The following ZNF331 variants were observed in gnomAD, a reference collection of about 807,000 sequenced individuals.
ZNF331 encodes the protein zinc finger protein 331, also known as C2H2-like zinc finger protein rearranged in thyroid adenomas.
In ZNF331, 2 loss-of-function variants were observed where a neutral mutation model predicts 7.0. The ratio of observed to expected loss-of-function variants is 0.29; its 90% CI spans 0.12 to 0.90. The LOEUF is 0.90. Among genes scored for constraint, ZNF331 ranks in the 40% least tolerant of loss-of-function variants. ZNF331 has a pLI of 0.58. For missense variants in ZNF331, 432 were observed against 587.7 expected, an observed-to-expected ratio of 0.74 and a Z score of 2.74; for synonymous variants, 196 against 205.4, an observed-to-expected ratio of 0.95 and a Z score of 0.39.
rs1341798728 is a variant in ZNF331, at chr19:53,571,500, G to T, written c.10-104G>T. The T allele has an allele frequency of 2.7e-6, 4 of 1,460,090 alleles. No individual in the cohort carries two copies. 90.4% of individuals were successfully genotyped at this position (1,460,090 alleles called of 1,614,324 possible). A position where few individuals can be genotyped will look rare whatever the true frequency, so the allele number is the denominator to read the frequency against. On this transcript the variant is annotated intron_variant, in intron 4 of 5. Transcript: ENST00000449416. The surrounding 1 kb of genome is among the most constrained non-coding windows in gnomAD (Gnocchi z 4.7). ...CCCTTGCCGATGTCACGGGTGTTCA[G>T]TCTGCTCACGGTGTTCACCCTACCC... is the stretch of plus-strand genomic sequence containing the variant.
intron 2 of ZNF331, among the ~76,000 whole-genome samples, chr19:53,548,259 C>T (rs1238407435): frequency 6.6e-6 from 1 of 152,120 alleles, no homozygotes; most frequent in East Asian, 1.9e-4. Context: ...AGGCGCGTGC[C>T]ACCACGCCCG....
intron 5 of ZNF331, among the ~76,000 whole-genome samples, chr19:53,576,321 A>G (rs1036160868): frequency 1.3e-5 from 2 of 152,230 alleles, no homozygotes; most frequent in African/African-American, 2.4e-5. Context: ...CTACTGACAT[A>G]TACGTGTATC....
the ZNF331 span, among the ~76,000 whole-genome samples, chr19:53,506,411 CCT>C: frequency 0.022 from 1,610 of 74,220 alleles, 35 homozygotes; most frequent in African/African-American, 0.031. Flanking sequence ...CTCTCTCTCT[CCT>C]CTCTCTCTCT....
intron 3 of ZNF331, among the ~76,000 whole-genome samples, chr19:53,566,233 C>T (rs1568528519): frequency 1.3e-5 from 2 of 152,178 alleles, no homozygotes; most frequent in Admixed American, 6.5e-5. Flanking sequence ...ATTGTGACAA[C>T]ACCTGTTCCA....
intron 2 of ZNF331, among the ~76,000 whole-genome samples, chr19:53,527,580 G>A (rs2087354084): frequency 6.6e-6 from 1 of 152,168 alleles, no homozygotes; most frequent in Admixed American, 6.6e-5. Context: ...TTGTTAACAG[G>A]TATGTGTCCT....
In ZNF331 at chr19:53,558,946, TATACAC is replaced by T. The variant is rs1197086722; in HGVS notation, c.-74+3043_-74+3048del. 1.2e-3 allele frequency among the ~76,000 whole-genome samples: 105 copies of T among 85,702 alleles called. 2 individuals carry two copies. The South Asian group carries it at 0.027, about 22-fold the overall frequency. The allele number at this position is 85,702 out of a possible 152,430, so 56.2% of individuals were successfully genotyped here. On this transcript the variant is annotated intron_variant, in intron 3 of 5. Coordinates refer to ENST00000449416, the MANE Select transcript of ZNF331 (RefSeq NM_001079906.2). The surrounding 1 kb of genome is among the most constrained non-coding windows in gnomAD (Gnocchi z 4.5). ...CACACACATACACACCATACACACA[TATACAC>T]ATACCATATACACACCATACACACA...
In ZNF331 at chr19:53,558,976, CAT is replaced by C. The variant is rs1023439700; in HGVS notation, c.-74+3072_-74+3073del. Among the ~76,000 whole-genome samples the C allele has an allele frequency of 2.8e-5, 4 of 143,616 alleles. No homozygotes were observed. The highest frequency in any genetic ancestry group is 3.7e-3 in the Middle Eastern group (1 of 272). 94.2% of individuals were successfully genotyped at this position (143,616 alleles called of 152,430 possible). On this transcript the variant is annotated intron_variant, in intron 3 of 5. Transcript: ENST00000449416. This position sits in a 1 kb window ranked among gnomAD's most constrained non-coding sequence, Gnocchi z 4.5. ...ACATACCATATACACACCATACACA[CAT>C]ATACACACACATACCCCATATATAC...
chr19:53,571,471 C>T lies in ZNF331; in HGVS notation c.10-133C>T, dbSNP rs891635756. The T allele has an allele frequency of 1.2e-5, 13 of 1,101,806 alleles. No individual in the cohort carries two copies. The African/African-American group carries it at 1.6e-4, about 13-fold the overall frequency. The allele number at this position is 1,101,806 out of a possible 1,614,324, so 68.3% of individuals were successfully genotyped here. The stretch of plus-strand genomic sequence containing the variant: ...CGTCACAGTTACAGTGATGTCCTTA[C>T]CGCCCCTTGCCGATGTCACGGGTGT... On this transcript the variant is annotated intron_variant, in intron 4 of 5. Coordinates refer to ENST00000449416, the MANE Select transcript of ZNF331 (RefSeq NM_001079906.2). The surrounding 1 kb of genome is among the most constrained non-coding windows in gnomAD (Gnocchi z 4.7).
intron 3 of ZNF331, among the ~76,000 whole-genome samples, chr19:53,559,058 AAC>A (rs931539640): frequency 4.7e-5 from 7 of 150,328 alleles, no homozygotes; most frequent in African/African-American, 1.7e-4. Context: ...TACATATACA[AAC>A]ACACCCCGTA....
At chr19:53,534,563 G>T (rs910609270), upstream of ZNF331, among the ~76,000 whole-genome samples, 1 of 152,078 alleles carries the variant, frequency 6.6e-6, no homozygotes, top group Non-Finnish European at 1.5e-5. Context: ...TGGGATTACA[G>T]GTGTGAGCCA....
chr19:53,521,398 G>C (rs957285590), exon 1 of ZNF331: 1 of 153,568 alleles, frequency 6.5e-6, no homozygotes, highest in Non-Finnish European at 1.4e-5. Flanking sequence ...GCCCCGCCGT[G>C]GCCCAGTGAC....
intron 3 of ZNF331, chr19:53,563,760 C>G (rs1343603409): frequency 1.3e-5 from 2 of 151,746 alleles, no homozygotes; most frequent in Non-Finnish European, 2.9e-5. Context: ...ATTTTTATTC[C>G]AGCTTTACCA....
intron 3 of ZNF331, among the ~76,000 whole-genome samples, chr19:53,568,052 C>T (rs1047170507): frequency 6.6e-6 from 1 of 151,970 alleles, no homozygotes; most frequent in Non-Finnish European, 1.5e-5. Context: ...AGTTTGAGAC[C>T]AGCCTGGCCA....
At chr19:53,556,070 C>A (rs534114421) in intron 3 of ZNF331, among the ~76,000 whole-genome samples, 162 bp downstream of exon 3, 5 of 151,778 alleles carry the variant, frequency 3.3e-5, no homozygotes, top group Non-Finnish European at 7.4e-5. Flanking sequence ...CGGTGAAACC[C>A]CGTCTCTACT....
At chr19:53,544,357 A>G (rs565623370) in intron 2 of ZNF331, among the ~76,000 whole-genome samples, 27 of 151,310 alleles carry the variant, frequency 1.8e-4, no homozygotes, top group Non-Finnish European at 2.9e-4. Context: ...CATCCTGGCT[A>G]ACACGGTGAA....
intron 2 of ZNF331, among the ~76,000 whole-genome samples, chr19:53,552,052 G>A (rs1480618884): frequency 1.3e-5 from 2 of 152,036 alleles, no homozygotes; most frequent in African/African-American, 2.4e-5. Flanking sequence ...ATGATTATAT[G>A]TACAAGTAAA....
At chr19:53,503,321 G>A in the ZNF331 span, 13 of 374,226 alleles carry the variant, frequency 3.5e-5, no homozygotes, top group East Asian at 1.3e-4. Flanking sequence ...TTTAAATGTC[G>A]CTCATGCATC....
chr19:53,555,614 T>G (rs1470303129), intron 2 of ZNF331: 2 of 152,334 alleles, frequency 1.3e-5, no homozygotes, highest in African/African-American at 4.8e-5. Context: ...TGCTCTCCAC[T>G]CAGGGCGCCT....
rs1015290713 is a variant in ZNF331, at chr19:53,544,372, C to T, written c.-138+5090C>T. Among the ~76,000 whole-genome samples the T allele has an allele frequency of 1.4e-3, 208 of 150,782 alleles. 1 individual carries two copies. Among genetic ancestry groups the T allele is most frequent in the Middle Eastern group, 3.4e-3 (1 of 292 alleles). On this transcript the variant is annotated intron_variant, in intron 2 of 5. Transcript: ENST00000449416. ...CATCCTGGCTAACACGGTGAAACCC[C>T]ATCTCTACTAAAAATACAAAAAATT... is the stretch of plus-strand genomic sequence containing the variant.
Sources: allele counts gnomAD v4.1 joint callset (sites outside exome capture counted in the v4.1 genomes callset), GRCh38; gene constraint gnomAD v4.1.1; non-coding constraint Gnocchi (gnomAD v3.1); transcripts MANE v1.5; gene names NCBI Gene and HGNC (gene_info 2026-07-23, HGNC 2026-07-21).